Variants in SAE1 observed in about 807,000 individuals in gnomAD.
SAE1 encodes the protein SUMO-activating enzyme subunit 1.
SAE1 carries 11 observed loss-of-function variants against 40.6 expected under a neutral mutation model. The ratio of observed to expected loss-of-function variants is 0.27; its 90% confidence interval spans 0.17 to 0.45. SAE1 has a LOEUF of 0.45. Ranked by LOEUF, SAE1 falls within the 20% of genes least tolerant of loss-of-function variation. The pLI is 1.00. For missense variants in SAE1, 373 were observed against 427.3 expected (o/e 0.87, Z 1.12); for synonymous variants, 155 against 154.3 (o/e 1.00, Z -0.03).
chr19:47,175,396 A>C (rs972047591), intron 6 of SAE1, among the ~76,000 whole-genome samples: 1 of 152,170 alleles, frequency 6.6e-6, no homozygotes, highest in Non-Finnish European at 1.5e-5. Context: ...CAGAATTTAG[A>C]CCATGAGGTT....
In SAE1 at chr19:47,150,281, A is replaced by G. The variant is rs751008114; in HGVS notation, c.290A>G (p.Glu97Gly). The G allele has an allele frequency of 6.8e-6, 11 of 1,613,776 alleles. No homozygotes were observed. Among genetic ancestry groups the G allele is most frequent in the Non-Finnish European group, 9.3e-6 (11 of 1,179,806 alleles). ...CGAAATAGGGCTGAAGCCTCTTTGG[A>G]GCGAGCTCAGAATCTCAACCCCATG... ...VGRNRAEASL[E>G]RAQNLNPMVD... Residue 97 changes from glutamate to glycine, a missense_variant, in exon 3 of 9, where the codon GAG becomes GGG. Physicochemically the swap from Glu to Gly is moderately conservative, Grantham distance 98 (BLOSUM62 -2). Transcript: ENST00000270225.
At chr19:47,169,138 T>C (rs2058414779) in intron 5 of SAE1, among the ~76,000 whole-genome samples, 2 of 152,150 alleles carry the variant, frequency 1.3e-5, no homozygotes, top group South Asian at 4.1e-4. Flanking sequence ...TTAATTTTTG[T>C]TTTTGTTTAC....
At chr19:47,193,035 A>C (rs1202657236) in intron 6 of SAE1, among the ~76,000 whole-genome samples, 1 of 151,118 alleles carries the variant, frequency 6.6e-6, no homozygotes, top group Non-Finnish European at 1.5e-5. Context: ...TCTGGCATCC[A>C]GATCGTCTAG....
At position 47,197,395 on chromosome 19, in the gene SAE1, T is replaced by C. The variant is rs757787698; in HGVS notation, c.878+18T>C. On this transcript the variant is annotated intron_variant, in intron 7 of 8. Transcript: ENST00000270225. ...TTTGTCAGGTTGGTGTCAGTATTTA[T>C]CACTGTTTAGTCTGGACAGATAAAG... The C allele has an allele frequency of 6.2e-7, 1 of 1,609,374 alleles. No individual in the cohort carries two copies. The highest frequency in any genetic ancestry group is 1.1e-5 in the South Asian group (1 of 90,080).
At chr19:47,164,491 G>A (rs1600174451) in intron 5 of SAE1, among the ~76,000 whole-genome samples, 4 of 152,008 alleles carry the variant, frequency 2.6e-5, no homozygotes, top group African/African-American at 9.6e-5. Flanking sequence ...TTAAATGTCT[G>A]TGTCATTTTT....
chr19:47,200,225 G>A (rs1037962007), intron 7 of SAE1, among the ~76,000 whole-genome samples: 34 of 149,064 alleles, frequency 2.3e-4, no homozygotes, highest in Admixed American at 1.1e-3. Flanking sequence ...GAGCCACCAC[G>A]CCCAGCCTCT....
intron 6 of SAE1, among the ~76,000 whole-genome samples, chr19:47,183,232 A>C (rs568076522): frequency 8.5e-5 from 13 of 152,102 alleles, no homozygotes; most frequent in African/African-American, 2.9e-4. Context: ...CGTACTTTAC[A>C]TGCATTGTGA....
intron 1 of SAE1, among the ~76,000 whole-genome samples, chr19:47,140,883 C>CT (rs1240205447): frequency 1.3e-5 from 2 of 152,184 alleles, no homozygotes; most frequent in Non-Finnish European, 2.9e-5. Context: ...GAGACGGAGT[C>CT]TGTCACCTGG....
chr19:47,160,804 C>A (rs1454327473), intron 5 of SAE1, among the ~76,000 whole-genome samples: 1 of 152,106 alleles, frequency 6.6e-6, no homozygotes, highest in Non-Finnish European at 1.5e-5. Flanking sequence ...GCTGGGATTA[C>A]AGGCGTGAGC....
At chr19:47,170,236 A>G (rs995884819) in intron 6 of SAE1, among the ~76,000 whole-genome samples, 1 of 151,944 alleles carries the variant, frequency 6.6e-6, no homozygotes, top group Non-Finnish European at 1.5e-5. Context: ...TTTTTGAGAC[A>G]GAGTCTTGCT....
rs1174540583 is a variant in SAE1 at position 47,130,937 on chromosome 19, GAGA to G, written c.10_12del (p.Lys4del). 6.5e-7 allele frequency: 1 copy of G among 1,550,088 alleles called. No homozygotes were observed. The highest frequency in any genetic ancestry group is 8.7e-7 in the Non-Finnish European group (1 of 1,146,636). ...GGCAGGAAGAGCCGGCGCCATGGTGGAGAAGGAGGAGGCTGGCGGCGGCATTAG... is the reference window on the plus strand; with the variant it reads ...GGCAGGAAGAGCCGGCGCCATGGTGGAGGAGGAGGCTGGCGGCGGCATTAG... On this transcript the variant is annotated inframe_deletion, in exon 1 of 9. Coordinates refer to ENST00000270225, the MANE Select transcript of SAE1 (RefSeq NM_005500.3).
At position 47,209,335 on chromosome 19, in the gene SAE1, C is replaced by T. The variant is rs756212601; in HGVS notation, c.*84C>T. ...TCCCCTTCCTTCATGAAGGCATCTC[C>T]AGGCAAGGAAAACTGAAGTCATTGG... On this transcript the variant is annotated 3_prime_UTR_variant, in exon 9 of 9. Coordinates refer to ENST00000270225, the MANE Select transcript of SAE1 (RefSeq NM_005500.3). 6.2e-7 allele frequency: 1 copy of T among 1,604,938 alleles called. No homozygotes were observed. Among genetic ancestry groups the T allele is most frequent in the African/African-American group, 1.3e-5 (1 of 74,804 alleles).
At chr19:47,136,722 TC>T (rs2058182828) in intron 1 of SAE1, among the ~76,000 whole-genome samples, 1 of 152,130 alleles carries the variant, frequency 6.6e-6, no homozygotes, top group Non-Finnish European at 1.5e-5. Flanking sequence ...ACTCCTGACC[TC>T]AGGTGATCCG....
At chr19:47,136,879 A>G (rs539195408) in intron 1 of SAE1, among the ~76,000 whole-genome samples, 2 of 152,192 alleles carry the variant, frequency 1.3e-5, no homozygotes, top group Admixed American at 1.3e-4. Context: ...CACAGAGCAA[A>G]TTGACTTGCC....
Position 47,155,171 on chromosome 19 carries a change from G to T in SAE1, c.585G>T (p.Lys195Asn), listed in dbSNP as rs761277967. The change falls in exon 5 of 9, where the codon AAG becomes AAT. Residue 195 changes from lysine to asparagine, a missense_variant. Coordinates refer to ENST00000270225, the MANE Select transcript of SAE1 (RefSeq NM_005500.3). ...SQGVEDGPDT[K>N]RAKLDSSETT... ...GAGTAGAAGATGGGCCCGACACCAA[G>T]AGAGCAAAACTTGATTCTTCTGAGA... 6.2e-7 allele frequency: 1 copy of T among 1,614,074 alleles called. No homozygotes were observed. Among genetic ancestry groups the T allele is most frequent in the Non-Finnish European group, 8.5e-7 (1 of 1,179,966 alleles).
rs1185556794 is a variant in SAE1, at chr19:47,150,375, TGTAA to T, written c.384+3_384+6del. ...AGTCATTTTTCACTCAATTCGATGC[TGTAA>T]GTTTCTTATTATAAAATCTGCTGTG... On this transcript the variant is annotated splice_donor_variant and splice_donor_region_variant and intron_variant, in intron 3 of 8. Transcript: ENST00000270225. LOFTEE classifies it high-confidence loss of function. 1.3e-6 allele frequency: 2 copies of T among 1,596,290 alleles called. No individual in the cohort carries two copies. Among genetic ancestry groups the T allele is most frequent in the Admixed American group, 1.8e-5 (1 of 55,894 alleles).
chr19:47,180,335 G>A (rs1319541561), intron 6 of SAE1: 1 of 451,808 alleles, frequency 2.2e-6, no homozygotes, highest in African/African-American at 2.0e-5. Flanking sequence ...ATGCCAGAAA[G>A]TAAGGAAGTG....
Position 47,209,442 on chromosome 19 carries a change from C to A in SAE1, c.*191C>A. ...TCACCAGCAGCTGCTCGACAAGGGG[C>A]GCAGGGTGGCTGTCTTTGTTCCAGC... On this transcript the variant is annotated 3_prime_UTR_variant, in exon 9 of 9. Transcript: ENST00000270225. 2.1e-6 allele frequency: 2 copies of A among 947,156 alleles called. No homozygotes were observed. The highest frequency in any genetic ancestry group is 3.2e-6 in the Non-Finnish European group (2 of 633,056). 58.7% of individuals were successfully genotyped at this position (947,156 alleles called of 1,614,324 possible).
chr19:47,146,380 A>G (rs917110964), intron 2 of SAE1, among the ~76,000 whole-genome samples: 2 of 152,160 alleles, frequency 1.3e-5, no homozygotes, highest in African/African-American at 2.4e-5. Flanking sequence ...AGGGCAGAAG[A>G]CCACTTAGAA....
Sources: allele counts gnomAD v4.1 joint callset (sites outside exome capture counted in the v4.1 genomes callset), GRCh38; gene constraint gnomAD v4.1.1; transcripts MANE v1.5; gene names NCBI Gene and HGNC (gene_info 2026-07-23, HGNC 2026-07-21).